PPARA: variants seen among roughly 807,000 people sequenced by gnomAD.
PPARA encodes peroxisome proliferator activated receptor alpha.
PPARA carries 22 observed loss-of-function variants against 42.2 expected under a neutral mutation model. The observed-to-expected ratio is 0.52, with a 90% CI of 0.37 to 0.74. PPARA has a LOEUF of 0.74. Ranked by LOEUF, PPARA falls within the 30% of genes least tolerant of loss-of-function variation. The probability of loss-of-function intolerance (pLI) is 0.00; values close to 1 mark genes in which losing one functional copy is unlikely to be tolerated. For missense variants in PPARA, 465 were observed against 608.2 expected (o/e 0.76, Z 2.48); for synonymous variants, 242 against 239.3 (o/e 1.01, Z -0.10).
chr22:46,228,162 G>A (rs1002730434), intron 7 of PPARA, among the ~76,000 whole-genome samples: 1 of 152,200 alleles, frequency 6.6e-6, no homozygotes, highest in Admixed American at 6.5e-5. Flanking sequence ...GCTGTTTAAC[G>A]ATGCCCCCAG....
chr22:46,185,665 C>T, intron 3 of PPARA, among the ~76,000 whole-genome samples: 1 of 151,262 alleles, frequency 6.6e-6, no homozygotes, highest in East Asian at 2.0e-4. Context: ...GAGGCTGAGG[C>T]AGGTGGATCA....
intron 2 of PPARA, among the ~76,000 whole-genome samples, chr22:46,168,896 A>C (rs1927540689): frequency 6.6e-6 from 1 of 152,000 alleles, no homozygotes; most frequent in African/African-American, 2.4e-5. Context: ...ATTATTATCG[A>C]AAATATTGTA....
At chr22:46,178,347 A>G (rs982595842) in intron 3 of PPARA, among the ~76,000 whole-genome samples, 2 of 152,222 alleles carry the variant, frequency 1.3e-5, no homozygotes, top group Non-Finnish European at 2.9e-5. Flanking sequence ...CTCATCTGAG[A>G]TAACAAAACC....
rs558962144 is a variant in PPARA at position 46,198,329 on chromosome 22, T to A, written c.-42-13T>A. ...ATACGTCAGTCTTACCAATTGTTCC[T>A]CTTTCCTCCCAGTAGCTTGGAGCTC... On this transcript the variant is annotated splice_polypyrimidine_tract_variant and intron_variant, in intron 3 of 8. Coordinates refer to ENST00000407236, the MANE Select transcript of PPARA (RefSeq NM_005036.6). The A allele has an allele frequency of 6.7e-7, 1 of 1,492,938 alleles. No homozygotes were observed. The highest frequency in any genetic ancestry group is 1.4e-5 in the African/African-American group (1 of 72,358). The allele number at this position is 1,492,938 out of a possible 1,614,324, so 92.5% of individuals were successfully genotyped here. A position where few individuals can be genotyped will look rare whatever the true frequency, so the allele number is the denominator to read the frequency against.
intron 2 of PPARA, among the ~76,000 whole-genome samples, chr22:46,168,747 A>T (rs1927511336): frequency 1.3e-5 from 2 of 151,974 alleles, no homozygotes; most frequent in Non-Finnish European, 2.9e-5. Flanking sequence ...ATATCACTAC[A>T]CACCCACAAG....
chr22:46,209,669 T>G (rs1933729884), intron 4 of PPARA, among the ~76,000 whole-genome samples: 1 of 152,250 alleles, frequency 6.6e-6, no homozygotes. Context: ...GGTTCTGTTT[T>G]CACCCATGTA....
intron 2 of PPARA, among the ~76,000 whole-genome samples, chr22:46,166,468 A>C (rs1372914223): frequency 6.6e-6 from 1 of 151,992 alleles, no homozygotes; most frequent in Non-Finnish European, 1.5e-5. Context: ...AAATACAAAA[A>C]TTAGCTGGAT....
rs916137171 is a variant in PPARA, at chr22:46,171,449, C to G, written c.-126-5304C>G. On this transcript the variant is annotated intron_variant, in intron 2 of 8. Coordinates refer to ENST00000407236, the MANE Select transcript of PPARA (RefSeq NM_005036.6). This position sits in a 1 kb window ranked among gnomAD's most constrained non-coding sequence, Gnocchi z 5.0. Reference sequence around the variant, plus strand: ...AGTGATGGAGCAGCTGGCCTGGTGACTTAGCCGCCTTCAGGTACAGTAGGA... The same window carrying G: ...AGTGATGGAGCAGCTGGCCTGGTGAGTTAGCCGCCTTCAGGTACAGTAGGA... 6.5e-6 allele frequency: 1 copy of G among 152,696 alleles called. No homozygotes were observed. The highest frequency in any genetic ancestry group is 1.5e-5 in the Non-Finnish European group (1 of 68,450). The allele number at this position is 152,696 out of a possible 1,614,324, so 9.5% of individuals were successfully genotyped here. A position where few individuals can be genotyped will look rare whatever the true frequency, so the allele number is the denominator to read the frequency against.
chr22:46,166,220 G>C (rs925730545), intron 2 of PPARA, among the ~76,000 whole-genome samples: 1 of 152,110 alleles, frequency 6.6e-6, no homozygotes, highest in East Asian at 1.9e-4. Flanking sequence ...GTCTGTGATT[G>C]GTCCCTGAGC....
In PPARA at chr22:46,221,528, G is replaced by A. The variant is rs1935000287; in HGVS notation, c.711+1514G>A. Among the ~76,000 whole-genome samples, 1 of 152,206 alleles carries A rather than the reference G, an allele frequency of 6.6e-6. No individual in the cohort carries two copies. The highest frequency in any genetic ancestry group is 1.5e-5 in the Non-Finnish European group (1 of 68,046). ...AAAGGGCCACTTGTAAGCCAGGCGT[G>A]GTGGCTCACGCCTGTCATCCCAGCA... On this transcript the variant is annotated intron_variant, in intron 7 of 8. Transcript: ENST00000407236. The surrounding 1 kb of genome is among the most constrained non-coding windows in gnomAD (Gnocchi z 5.9).
At position 46,231,290 on chromosome 22, in the gene PPARA, C is replaced by T. The variant is rs1339402602; in HGVS notation, c.712-502C>T. ...CTGGAGTGCAGTGGCGCAATGTCGG[C>T]TCACTGCAAGCTCTGCCTCCTGGGT... On this transcript the variant is annotated intron_variant, in intron 7 of 8. Transcript: ENST00000407236. This position sits in a 1 kb window ranked among gnomAD's most constrained non-coding sequence, Gnocchi z 7.7. Among the ~76,000 whole-genome samples the T allele has an allele frequency of 1.3e-5, 2 of 151,890 alleles. No individual in the cohort carries two copies. The highest frequency in any genetic ancestry group is 2.9e-5 in the Non-Finnish European group (2 of 67,984).
Position 46,225,087 on chromosome 22 carries a change from G to C in PPARA, c.711+5073G>C, listed in dbSNP as rs1172691347. 2.6e-5 allele frequency among the ~76,000 whole-genome samples: 4 copies of C among 152,138 alleles called. No individual in the cohort carries two copies. Among genetic ancestry groups the C allele is most frequent in the African/African-American group, 9.7e-5 (4 of 41,418 alleles). On this transcript the variant is annotated intron_variant, in intron 7 of 8. Coordinates refer to ENST00000407236, the MANE Select transcript of PPARA (RefSeq NM_005036.6). The surrounding 1 kb of genome is among the most constrained non-coding windows in gnomAD (Gnocchi z 4.1). ...GGAGGAGGCTGTGGGGGCAGGGGGAGGCCGCTGCATGGAGCCGCATAGATG... is the reference window on the plus strand; with the variant it reads ...GGAGGAGGCTGTGGGGGCAGGGGGACGCCGCTGCATGGAGCCGCATAGATG...
Position 46,184,052 on chromosome 22 carries a change from C to A in PPARA, c.-43+7216C>A, listed in dbSNP as rs1407921220. Among the ~76,000 whole-genome samples, 1 of 152,120 alleles carries A rather than the reference C, an allele frequency of 6.6e-6. No homozygotes were observed. The highest frequency in any genetic ancestry group is 1.5e-5 in the Non-Finnish European group (1 of 68,040). On this transcript the variant is annotated intron_variant, in intron 3 of 8. Transcript: ENST00000407236. This position sits in a 1 kb window ranked among gnomAD's most constrained non-coding sequence, Gnocchi z 4.4. ...TGTTACCAGGAAGTGAGTTAATGCA[C>A]ATTAGGTTCTTATTTATGACAGTGC...
In PPARA at chr22:46,156,761, C is replaced by G. The variant is rs1925357857; in HGVS notation, c.-127+4791C>G. On this transcript the variant is annotated intron_variant, in intron 2 of 8. Coordinates refer to ENST00000407236, the MANE Select transcript of PPARA (RefSeq NM_005036.6). The surrounding 1 kb of genome is among the most constrained non-coding windows in gnomAD (Gnocchi z 5.2). ...GGACTACAGGCACCCGCCACCACGC[C>G]CAGCTAATTTTTGTATTTTTAGTAG... Among the ~76,000 whole-genome samples the G allele has an allele frequency of 6.6e-6, 1 of 152,134 alleles. No homozygotes were observed. Among genetic ancestry groups the G allele is most frequent in the South Asian group, 2.1e-4 (1 of 4,822 alleles).
At chr22:46,166,088 T>G (rs1272623262) in intron 2 of PPARA, among the ~76,000 whole-genome samples, 2 of 152,328 alleles carry the variant, frequency 1.3e-5, no homozygotes, top group East Asian at 3.9e-4. Context: ...CCATGGTATA[T>G]ACACTGTGAG....
At chr22:46,179,824 G>A (rs1569202202) in intron 3 of PPARA, among the ~76,000 whole-genome samples, 2 of 152,322 alleles carry the variant, frequency 1.3e-5, no homozygotes, top group South Asian at 2.1e-4. Flanking sequence ...CCTGATAAAG[G>A]TATTGTAGCT....
At chr22:46,181,562 T>C (rs1352294714) in intron 3 of PPARA, among the ~76,000 whole-genome samples, 1 of 152,092 alleles carries the variant, frequency 6.6e-6, no homozygotes, top group Non-Finnish European at 1.5e-5. Flanking sequence ...AAGAAAGGTT[T>C]TGCTGGAGAT....
rs141570708 is a variant in PPARA at position 46,197,103 on chromosome 22, G to A, written c.-42-1239G>A. On this transcript the variant is annotated intron_variant, in intron 3 of 8. Coordinates refer to ENST00000407236, the MANE Select transcript of PPARA (RefSeq NM_005036.6). ...CTCACTCTGTCGCCCCGGCTAGAGTGTGGTGGCACCATCTCGGCTCACTGC... is the reference window on the plus strand; with the variant it reads ...CTCACTCTGTCGCCCCGGCTAGAGTATGGTGGCACCATCTCGGCTCACTGC... 5.8e-3 allele frequency among the ~76,000 whole-genome samples: 879 copies of A among 151,774 alleles called. 5 individuals carry two copies. The highest frequency in any genetic ancestry group is 0.01 in the Non-Finnish European group (686 of 67,952).
Position 46,235,690 on chromosome 22 carries a change from C to T in PPARA, c.*310C>T, listed in dbSNP as rs62226992. 9 of 379,744 alleles carry T rather than the reference C, an allele frequency of 2.4e-5. 1 individual carries two copies. Among genetic ancestry groups the T allele is most frequent in the East Asian group, 1.2e-4 (2 of 17,372 alleles). The allele number at this position is 379,744 out of a possible 1,614,324, so 23.5% of individuals were successfully genotyped here. A position where few individuals can be genotyped will look rare whatever the true frequency, so the allele number is the denominator to read the frequency against. On this transcript the variant is annotated 3_prime_UTR_variant, in exon 9 of 9. Transcript: ENST00000407236. The surrounding 1 kb of genome is among the most constrained non-coding windows in gnomAD (Gnocchi z 7.0). ...AATGCACATTGCTTTAGATCACATT[C>T]GTGATTTACCATTTAATTAACTGGT...
Sources: gnomAD v4.1 joint callset for allele counts (sites outside exome capture counted in the v4.1 genomes callset) on GRCh38, gnomAD v4.1.1 for gene constraint, Gnocchi (gnomAD v3.1) non-coding constraint, MANE v1.5 for transcripts, NCBI Gene and HGNC (gene_info 2026-07-23, HGNC 2026-07-21) for gene names.